POLR1A: variants seen among roughly 807,000 people sequenced by gnomAD.
POLR1A encodes DNA-directed RNA polymerase I subunit RPA1.
POLR1A carries 84 observed loss-of-function variants against 205.3 expected under a neutral mutation model. The ratio of observed to expected loss-of-function variants is 0.41; its 90% CI spans 0.34 to 0.49. The LOEUF (loss-of-function observed/expected upper bound fraction) is 0.49. POLR1A is among the 20% of genes least tolerant of loss of function. The pLI is 0.22. For missense variants in POLR1A, 1,645 were observed against 2,204.5 expected (o/e 0.75, Z 5.08); for synonymous variants, 799 against 863.7 (o/e 0.93, Z 1.31).
chr2:86,075,416 G>A (rs1673263122), intron 11 of POLR1A, among the ~76,000 whole-genome samples, 156 bp from the exon 12 acceptor site: 1 of 152,144 alleles, frequency 6.6e-6, no homozygotes, highest in African/African-American at 2.4e-5. Context: ...GTAACATCCT[G>A]CCTGTCTTCT....
At chr2:86,087,986 T>C (rs1170726648) in intron 6 of POLR1A, among the ~76,000 whole-genome samples, 2 of 152,154 alleles carry the variant, frequency 1.3e-5, no homozygotes, top group African/African-American at 4.8e-5. Flanking sequence ...CACTTCAGAA[T>C]AAAAACCAAA....
At chr2:86,063,319 G>A (rs753150675) in intron 14 of POLR1A, among the ~76,000 whole-genome samples, 5 of 76,682 alleles carry the variant, frequency 6.5e-5, no homozygotes, top group Non-Finnish European at 1.2e-4. Context: ...TGGGCAGCAA[G>A]AGCAAAACTC....
intron 14 of POLR1A, 131 bp from the exon 15 acceptor site, chr2:86,054,420 T>G (rs1672859708): frequency 2.5e-6 from 2 of 813,718 alleles, no homozygotes; most frequent in Admixed American, 5.0e-5. Flanking sequence ...CCATTTCTGA[T>G]GATCTCAGGT....
chr2:86,082,588 C>T (rs980748101), intron 7 of POLR1A, among the ~76,000 whole-genome samples: 1 of 150,942 alleles, frequency 6.6e-6, no homozygotes, highest in African/African-American at 2.4e-5. Context: ...CATTTGTAAG[C>T]GCTTATTACA....
chr2:86,046,434 C>T (rs572077568), intron 19 of POLR1A, among the ~76,000 whole-genome samples: 23 of 152,268 alleles, frequency 1.5e-4, no homozygotes, highest in South Asian at 2.1e-4. Context: ...TAACGGCTTT[C>T]GGCCTTTCTG....
intron 6 of POLR1A, among the ~76,000 whole-genome samples, chr2:86,085,485 T>C (rs1673488014): frequency 6.6e-6 from 1 of 152,182 alleles, no homozygotes. Context: ...AAGCTACATA[T>C]GTTCAGTGGG....
At chr2:86,072,055 A>C (rs1270101770) in intron 12 of POLR1A, among the ~76,000 whole-genome samples, 1 of 152,244 alleles carries the variant, frequency 6.6e-6, no homozygotes, top group African/African-American at 2.4e-5. Flanking sequence ...AGAGGCTAGA[A>C]GTAATTAAGA....
Position 86,028,217 on chromosome 2 carries a change from T to C in POLR1A, c.4898-168A>G, listed in dbSNP as rs569818148. Among the ~76,000 whole-genome samples, 23 of 152,174 alleles carry C rather than the reference T, an allele frequency of 1.5e-4. No homozygotes were observed. Among genetic ancestry groups the C allele is most frequent in the Non-Finnish European group, 3.1e-4 (21 of 68,034 alleles). ...CGCTACTTAACCCTTCCCCGTGGTC[T>C]GGGGCATCTTTCCCTGACCCCTGCA... is the stretch of plus-strand genomic sequence containing the variant. On this transcript the variant is annotated intron_variant, in intron 32 of 33. Coordinates refer to ENST00000263857, the MANE Select transcript of POLR1A (RefSeq NM_015425.6). This position sits in a 1 kb window ranked among gnomAD's most constrained non-coding sequence, Gnocchi z 4.5.
chr2:86,066,676 G>A (rs1442910907), intron 13 of POLR1A, among the ~76,000 whole-genome samples: 2 of 152,188 alleles, frequency 1.3e-5, no homozygotes, highest in African/African-American at 4.8e-5. Context: ...TCTGGGAGAA[G>A]CACCAGAAAT....
chr2:86,073,109 G>A (rs1200943877), intron 12 of POLR1A, among the ~76,000 whole-genome samples: 1 of 151,830 alleles, frequency 6.6e-6, no homozygotes, highest in Non-Finnish European at 1.5e-5. Flanking sequence ...TGAGTCAGAA[G>A]GATCACCTGA....
chr2:86,077,811 GCA>G lies in POLR1A; in HGVS notation c.1380+46_1380+47del, dbSNP rs56874564. ...GCAAATGAGCCCTGCACGCGCGCGCGCACACACACACACACACACACACACAC... is the reference window on the plus strand; with the variant it reads ...GCAAATGAGCCCTGCACGCGCGCGCGCACACACACACACACACACACACAC... On this transcript the variant is annotated intron_variant, in intron 11 of 33. Transcript: ENST00000263857. 1,393 of 186,570 alleles carry G rather than the reference GCA, an allele frequency of 7.5e-3. 15 individuals carry two copies. Among genetic ancestry groups the G allele is most frequent in the African/African-American group, 0.036 (821 of 22,640 alleles). 11.6% of individuals were successfully genotyped at this position (186,570 alleles called of 1,614,324 possible).
Position 86,028,218 on chromosome 2 carries a change from G to C in POLR1A, c.4898-169C>G, listed in dbSNP as rs898967354. Among the ~76,000 whole-genome samples the C allele has an allele frequency of 2.0e-5, 3 of 152,150 alleles. No homozygotes were observed. The highest frequency in any genetic ancestry group is 4.4e-5 in the Non-Finnish European group (3 of 68,034). ...GCTACTTAACCCTTCCCCGTGGTCT[G>C]GGGCATCTTTCCCTGACCCCTGCAT... On this transcript the variant is annotated intron_variant, in intron 32 of 33. Coordinates refer to ENST00000263857, the MANE Select transcript of POLR1A (RefSeq NM_015425.6). This position sits in a 1 kb window ranked among gnomAD's most constrained non-coding sequence, Gnocchi z 4.5.
intron 11 of POLR1A, among the ~76,000 whole-genome samples, chr2:86,076,099 GTGTTTAAA>G (rs1176065843): frequency 9.9e-5 from 15 of 152,212 alleles, no homozygotes; most frequent in African/African-American, 3.6e-4. Context: ...GCAGTGTGCT[GTGTTTAAA>G]GCTGGGCCTG....
rs183468122 is a variant in POLR1A at position 86,073,647 on chromosome 2, C to G, written c.1611+1383G>C. On this transcript the variant is annotated intron_variant, in intron 12 of 33. Transcript: ENST00000263857. ...CTGTCACTGCTGTTCCCTATGGTGT[C>G]TACCACACCCCTCCGCAACAGCAAT... Among the ~76,000 whole-genome samples, 770 of 152,312 alleles carry G rather than the reference C, an allele frequency of 5.1e-3. 29 individuals are homozygous for G. Among genetic ancestry groups the G allele is most frequent in the Admixed American group, 0.048 (729 of 15,292 alleles).
chr2:86,062,540 A>G (rs1673015702), intron 14 of POLR1A, among the ~76,000 whole-genome samples: 1 of 152,166 alleles, frequency 6.6e-6, no homozygotes, highest in African/African-American at 2.4e-5. Flanking sequence ...CAACATATTA[A>G]TTTGTGGGAT....
rs1370180704 is a variant in POLR1A, at chr2:86,022,676, A to T, written c.*4747T>A. 1 of 151,386 alleles carries T rather than the reference A, an allele frequency of 6.6e-6. No individual in the cohort carries two copies. Among genetic ancestry groups the T allele is most frequent in the Non-Finnish European group, 1.5e-5 (1 of 67,834 alleles). 9.4% of individuals were successfully genotyped at this position (151,386 alleles called of 1,614,324 possible). A position where few individuals can be genotyped will look rare whatever the true frequency, so the allele number is the denominator to read the frequency against. The stretch of plus-strand genomic sequence containing the variant: ...CGATCACAGCTCATTGCAGCCTTGA[A>T]CTCCTGGGCTCACTTGCTCCTCTCA... On this transcript the variant is annotated 3_prime_UTR_variant, in exon 34 of 34. Transcript: ENST00000263857.
chr2:86,081,578 A>G (rs1673402083), intron 8 of POLR1A, 23 bp downstream of exon 8: 9 of 1,437,600 alleles, frequency 6.3e-6, no homozygotes, highest in South Asian at 1.2e-5. Context: ...TTCAGGTGAA[A>G]TAAGTTAATT....
At chr2:86,052,733 G>T (rs562770257) in intron 16 of POLR1A, 84 bp downstream of exon 16, 1 of 1,121,608 alleles carries the variant, frequency 8.9e-7, no homozygotes, top group Non-Finnish European at 1.2e-6. Context: ...CAGTGTGGAC[G>T]GCTCTCTCTG....
At chr2:86,082,603 G>A (rs1673424225) in intron 7 of POLR1A, among the ~76,000 whole-genome samples, 1 of 151,594 alleles carries the variant, frequency 6.6e-6, no homozygotes, top group Admixed American at 6.6e-5. Flanking sequence ...ATTACACAGA[G>A]GTTATAGTCA....
Sources: gnomAD v4.1 joint callset for allele counts (sites outside exome capture counted in the v4.1 genomes callset) on GRCh38, gnomAD v4.1.1 for gene constraint, Gnocchi (gnomAD v3.1) non-coding constraint, MANE v1.5 for transcripts, NCBI Gene and HGNC (gene_info 2026-07-23, HGNC 2026-07-21) for gene names.